Variants in ZDBF2 observed in about 807,000 individuals in gnomAD.
ZDBF2 encodes DBF4-type zinc finger-containing protein 2.
Under a neutral mutation model 9.4 loss-of-function variants are expected in ZDBF2, and 6 were observed. The ratio of observed to expected loss-of-function variants is 0.64; its 90% CI spans 0.35 to 1.27. ZDBF2 has a LOEUF of 1.27. ZDBF2 is among the 50% of genes most tolerant of loss of function. ZDBF2 has a pLI of 0.03. For synonymous variants in ZDBF2, 905 were observed against 946.3 expected (o/e 0.96, Z 0.80); for missense variants, 2,697 against 2,766.8 (o/e 0.97, Z 0.57).
At position 206,309,367 on chromosome 2, in the gene ZDBF2, G is replaced by A. The variant is rs753820811; in HGVS notation, c.4839G>A (p.Leu1613=). The change falls in exon 5 of 5, where the codon CTG becomes CTA. Residue 1613 remains leucine (L), a synonymous_variant. Coordinates refer to ENST00000374423, the MANE Select transcript of ZDBF2 (RefSeq NM_020923.3). ...IINRKKDYII[L]GEPSCQSCGS... ...ACCGGAAGAAGGACTATATTATTCT[G>A]GGAGAGCCAAGTTGTCAATCTTGTG... The A allele has an allele frequency of 6.2e-7, 1 of 1,613,390 alleles. No individual in the cohort carries two copies. Among genetic ancestry groups the A allele is most frequent in the Non-Finnish European group, 8.5e-7 (1 of 1,179,718 alleles).
chr2:206,275,254 C>G (rs1049496194), intron 1 of ZDBF2, among the ~76,000 whole-genome samples: 1 of 151,990 alleles, frequency 6.6e-6, no homozygotes, highest in Non-Finnish European at 1.5e-5. Flanking sequence ...GCCTCGGGTC[C>G]GGGCTTGGGG....
At chr2:206,277,093 A>G (rs1691050994) in intron 1 of ZDBF2, among the ~76,000 whole-genome samples, 1 of 152,058 alleles carries the variant, frequency 6.6e-6, no homozygotes, top group African/African-American at 2.4e-5. Context: ...TTTCCTTATT[A>G]TTATTATTTT....
chr2:206,275,821 TAC>T (rs766901977), intron 1 of ZDBF2, among the ~76,000 whole-genome samples: 2 of 152,190 alleles, frequency 1.3e-5, no homozygotes, highest in Non-Finnish European at 2.9e-5. Flanking sequence ...CAAACATATA[TAC>T]GTGTGTTACA....
Position 206,280,312 on chromosome 2 carries a change from A to G in ZDBF2, c.-50+720A>G, listed in dbSNP as rs561614195. On this transcript the variant is annotated intron_variant, in intron 2 of 4. Transcript: ENST00000374423. ...GATAATGCCACAGGAGTTAAGGGCCATAGGGTTAAAGACCAAAAATATTTA... is the reference window on the plus strand; with the variant it reads ...GATAATGCCACAGGAGTTAAGGGCCGTAGGGTTAAAGACCAAAAATATTTA... 3.9e-5 allele frequency among the ~76,000 whole-genome samples: 6 copies of G among 152,350 alleles called. No homozygotes were observed. In the East Asian group the frequency reaches 5.8e-4, roughly 15 times the overall value.
In ZDBF2 at chr2:206,305,124, C is replaced by T. The variant is rs757478684; in HGVS notation, c.596C>T (p.Pro199Leu). The change falls in exon 5 of 5, where the codon CCA becomes CTA. Residue 199 changes from proline (P) to leucine (L), a missense_variant. Pro to Leu is a moderately conservative substitution (Grantham distance 98, BLOSUM62 -3). Coordinates refer to ENST00000374423, the MANE Select transcript of ZDBF2 (RefSeq NM_020923.3). Reference protein sequence around the residue: ...SCLPESSNDRPVTANTTSLPP... With the variant: ...SCLPESSNDRLVTANTTSLPP... Reference sequence around the variant, plus strand: ...TTACCTGAAAGCTCTAACGATAGACCAGTTACAGCTAATACAACTAGTTTA... The same window carrying T: ...TTACCTGAAAGCTCTAACGATAGACTAGTTACAGCTAATACAACTAGTTTA... 18 of 1,613,608 alleles carry T rather than the reference C, an allele frequency of 1.1e-5. No individual in the cohort carries two copies. Among genetic ancestry groups the T allele is most frequent in the African/African-American group, 1.3e-5 (1 of 74,912 alleles).
In ZDBF2 at chr2:206,304,331, A is replaced by C. The variant is rs1692651916; in HGVS notation, c.189-386A>C. Among the ~76,000 whole-genome samples, 2 of 152,230 alleles carry C rather than the reference A, an allele frequency of 1.3e-5. 1 individual carries two copies. Among genetic ancestry groups the C allele is most frequent in the South Asian group, 4.1e-4 (2 of 4,834 alleles). ...TTTACATGTAACAATTAATTTACTCATCAAAACAATCTCATGAGGGAAAAT... is the reference window on the plus strand; with the variant it reads ...TTTACATGTAACAATTAATTTACTCCTCAAAACAATCTCATGAGGGAAAAT... On this transcript the variant is annotated intron_variant, in intron 4 of 4. Transcript: ENST00000374423.
At chr2:206,282,154 G>A (rs17224622) in intron 3 of ZDBF2, among the ~76,000 whole-genome samples, 22,673 of 152,094 alleles carry the variant, frequency 0.15, 2,141 homozygotes, top group Non-Finnish European at 0.21. Context: ...TACATAATGC[G>A]TGAGATTGTG....
At position 206,313,514 on chromosome 2, in the gene ZDBF2, G is replaced by A. The variant is rs1693281835; in HGVS notation, c.*1921G>A. ...AAGTAAACAAACAGCTGATATATAAGATATTTGTGGGTATTGGTGTCTTTT... is the reference window on the plus strand; with the variant it reads ...AAGTAAACAAACAGCTGATATATAAAATATTTGTGGGTATTGGTGTCTTTT... On this transcript the variant is annotated 3_prime_UTR_variant, in exon 5 of 5. Transcript: ENST00000374423. 1 of 152,098 alleles carries A rather than the reference G, an allele frequency of 6.6e-6. No individual in the cohort carries two copies. The allele number at this position is 152,098 out of a possible 1,614,324, so 9.4% of individuals were successfully genotyped here.
Position 206,309,707 on chromosome 2 carries a change from A to G in ZDBF2, c.5179A>G (p.Lys1727Glu), listed in dbSNP as rs1559159887. The G allele has an allele frequency of 6.2e-7, 1 of 1,613,904 alleles. No homozygotes were observed. Among genetic ancestry groups the G allele is most frequent in the Middle Eastern group, 1.6e-4 (1 of 6,062 alleles). Residue 1727 changes from lysine (K) to glutamate (E), a missense_variant, in exon 5 of 5, where the codon AAA becomes GAA. Coordinates refer to ENST00000374423, the MANE Select transcript of ZDBF2 (RefSeq NM_020923.3). ...AGCGCTCCATCGAAGGGCTGATAAA[A>G]AAAAACGTTCGAAGCTAAAACATAG... ...KSALHRRADK[K>E]KRSKLKHRDL...
In ZDBF2 at chr2:206,305,136, A is replaced by C; in HGVS notation, c.608A>C (p.Asn203Thr). The C allele has an allele frequency of 1.2e-6, 2 of 1,613,836 alleles. No individual in the cohort carries two copies. Among genetic ancestry groups the C allele is most frequent in the Non-Finnish European group, 1.7e-6 (2 of 1,179,804 alleles). ...TCTAACGATAGACCAGTTACAGCTAATACAACTAGTTTACCACCAGCAGCT... is the reference window on the plus strand; with the variant it reads ...TCTAACGATAGACCAGTTACAGCTACTACAACTAGTTTACCACCAGCAGCT... The part of the protein sequence containing the change: ...ESSNDRPVTA[N>T]TTSLPPAAHL... The change falls in exon 5 of 5, where the codon AAT becomes ACT. Residue 203 changes from asparagine to threonine, a missense_variant. Asn to Thr is a moderately conservative substitution (Grantham distance 65). Around this residue, in one of 3 missense-constraint regions of ZDBF2, gnomAD observed 910 missense variants for 973.6 expected, o/e 0.93. Transcript: ENST00000374423.
rs753235829 is a variant in ZDBF2 at position 206,311,099 on chromosome 2, C to T, written c.6571C>T (p.Pro2191Ser). Residue 2191 changes from proline (P) to serine (S), a missense_variant, in exon 5 of 5, where the codon CCC (proline) becomes TCC (serine). By Grantham distance (74) the Pro-to-Ser change is moderately conservative (BLOSUM62 -1). Coordinates refer to ENST00000374423, the MANE Select transcript of ZDBF2 (RefSeq NM_020923.3). ...AACTAGTAGTAATAAGCTAGGTTTTCCCAAAAAGGTTTATAAACCAATTAT... is the reference window on the plus strand; with the variant it reads ...AACTAGTAGTAATAAGCTAGGTTTTTCCAAAAAGGTTTATAAACCAATTAT... ...VTTSSNKLGFPKKVYKPIILQ... is the reference protein window; with the variant it reads ...VTTSSNKLGFSKKVYKPIILQ... 1 of 1,613,176 alleles carries T rather than the reference C, an allele frequency of 6.2e-7. No homozygotes were observed. The highest frequency in any genetic ancestry group is 8.5e-7 in the Non-Finnish European group (1 of 1,179,738).
chr2:206,309,182 CCACCTCAGTTGACTGT>C lies in ZDBF2; in HGVS notation c.4657_4672del (p.Pro1553LysfsTer6). 1 of 1,609,684 alleles carries C rather than the reference CCACCTCAGTTGACTGT, an allele frequency of 6.2e-7. No individual in the cohort carries two copies. The highest frequency in any genetic ancestry group is 8.5e-7 in the Non-Finnish European group (1 of 1,177,622). On this transcript the variant is annotated frameshift_variant, in exon 5 of 5. Transcript: ENST00000374423. LOFTEE classifies it low-confidence loss of function (END_TRUNC). ...TATTCCCCTTCAGTTAGTGACTGAC[CCACCTCAGTTGACTGT>C]CAAAGATATCAGCTGTATAAATACA...
chr2:206,283,960 G>C (rs977712473), intron 3 of ZDBF2, among the ~76,000 whole-genome samples: 2 of 152,162 alleles, frequency 1.3e-5, no homozygotes, highest in Non-Finnish European at 2.9e-5. Context: ...ACCACAACTG[G>C]CCTTCTTTTT....
intron 1 of ZDBF2, among the ~76,000 whole-genome samples, chr2:206,277,223 G>A (rs1182832260): frequency 6.6e-6 from 1 of 151,452 alleles, no homozygotes; most frequent in Non-Finnish European, 1.5e-5. Flanking sequence ...ATACACACAC[G>A]ACAACTCCAG....
In ZDBF2 at chr2:206,307,203, A is replaced by G; in HGVS notation, c.2675A>G (p.Lys892Arg). ...ACTAATTCTCCCGAAGTAGCTGTTA[A>G]AAAGCTAAATCCTCAAAAAGAAGAG... The part of the protein sequence containing the change: ...SVTNSPEVAV[K>R]KLNPQKEEQV... Residue 892 changes from lysine to arginine, a missense_variant, in exon 5 of 5, where the codon AAA (lysine) becomes AGA (arginine). Around this residue, in one of 3 missense-constraint regions of ZDBF2, gnomAD observed 1,783 missense variants for 1,776.5 expected, o/e 1.00. Transcript: ENST00000374423. 1 of 1,612,646 alleles carries G rather than the reference A, an allele frequency of 6.2e-7. No individual in the cohort carries two copies.
chr2:206,296,199 C>T (rs539247946), intron 3 of ZDBF2, among the ~76,000 whole-genome samples: 120 of 152,172 alleles, frequency 7.9e-4, no homozygotes, highest in African/African-American at 2.8e-3. Flanking sequence ...AGATGTGGCT[C>T]GAAAATATTA....
chr2:206,302,784 G>T (rs1391131048), intron 4 of ZDBF2, among the ~76,000 whole-genome samples: 1 of 151,868 alleles, frequency 6.6e-6, no homozygotes, highest in East Asian at 1.9e-4. Context: ...AATTTATATG[G>T]GATAGTAATA....
rs200714906 is a variant in ZDBF2, at chr2:206,309,841, C to T, written c.5313C>T (p.His1771=). Residue 1771 remains histidine, a synonymous_variant, in exon 5 of 5, where the codon CAC becomes CAT. Transcript: ENST00000374423. The stretch of plus-strand genomic sequence containing the variant: ...CTCAAGAAACTGTTAAGAAAAGACA[C>T]CCTTGTAAGAAGGTATCTTCTGACT... ...DQPQETVKKR[H]PCKKVSSDLK... 4.2e-4 allele frequency: 672 copies of T among 1,613,844 alleles called. 1 individual carries two copies. The highest frequency in any genetic ancestry group is 5.2e-4 in the Non-Finnish European group (610 of 1,179,862).
chr2:206,310,073 G>A lies in ZDBF2; in HGVS notation c.5545G>A (p.Glu1849Lys), dbSNP rs1173361297. Residue 1849 changes from glutamate (E) to lysine (K), a missense_variant, in exon 5 of 5, where the codon GAG (glutamate) becomes AAG (lysine). By Grantham distance (56) the Glu-to-Lys change is moderately conservative (BLOSUM62 1). This residue lies in a region of ZDBF2 where 1,783 missense variants were observed against 1,776.5 expected (regional missense o/e 1.00). Transcript: ENST00000374423. ...DDIKINALVK[E>K]FREGRFHCYF... ...CATAAAAATTAATGCTCTGGTGAAG[G>A]AGTTTAGGGAAGGTCGTTTCCACTG... 1.2e-6 allele frequency: 2 copies of A among 1,613,830 alleles called. No homozygotes were observed. The highest frequency in any genetic ancestry group is 2.2e-5 in the South Asian group (2 of 91,032).
Sources: gnomAD v4.1 joint callset for allele counts (sites outside exome capture counted in the v4.1 genomes callset) on GRCh38, gnomAD v4.1.1 for gene constraint, gnomAD v4.1.1 regional missense constraint, MANE v1.5 for transcripts, NCBI Gene and HGNC (gene_info 2026-07-23, HGNC 2026-07-21) for gene names.